The following SEMA3E variants were observed in gnomAD, a reference collection of about 807,000 sequenced individuals.
The protein encoded by SEMA3E is semaphorin 3E.
SEMA3E carries 49 observed loss-of-function variants against 93.6 expected under a neutral mutation model. That is an observed-to-expected ratio of 0.52 (90% CI 0.42 to 0.66). The LOEUF (loss-of-function observed/expected upper bound fraction) is 0.66. Ranked by LOEUF, SEMA3E falls within the 30% of genes least tolerant of loss-of-function variation. The probability of loss-of-function intolerance (pLI) is 0.00; values close to 1 mark genes in which losing one functional copy is unlikely to be tolerated. For missense variants in SEMA3E, 906 were observed against 964.8 expected, an observed-to-expected ratio of 0.94 and a Z score of 0.81; for synonymous variants, 363 against 330.7, an observed-to-expected ratio of 1.10 and a Z score of -1.06.
chr7:83,457,570 T>G (rs1789511699), intron 4 of SEMA3E, among the ~76,000 whole-genome samples: 1 of 152,212 alleles, frequency 6.6e-6, no homozygotes. Context: ...GCTTCTCACT[T>G]GAGTTCAACA....
intron 11 of SEMA3E, among the ~76,000 whole-genome samples, chr7:83,396,945 G>A (rs1426155950): frequency 6.6e-6 from 1 of 151,990 alleles, no homozygotes; most frequent in Admixed American, 6.6e-5. Flanking sequence ...AGCCAGGCAT[G>A]GTGGTGGGCA....
chr7:83,531,618 G>T (rs1791304071), intron 1 of SEMA3E, among the ~76,000 whole-genome samples: 1 of 152,076 alleles, frequency 6.6e-6, no homozygotes, highest in Admixed American at 6.5e-5. Flanking sequence ...CTCCCAAAGT[G>T]CTGGGATTAC....
At chr7:83,625,851 A>G (rs1793659274) in intron 1 of SEMA3E, among the ~76,000 whole-genome samples, 1 of 152,034 alleles carries the variant, frequency 6.6e-6, no homozygotes, top group Admixed American at 6.6e-5. Context: ...TTTGTCATAA[A>G]CAGCTCTTAT....
At chr7:83,378,546 C>T (rs1355445480) in intron 16 of SEMA3E, among the ~76,000 whole-genome samples, 1 of 151,894 alleles carries the variant, frequency 6.6e-6, no homozygotes, top group African/African-American at 2.4e-5. Context: ...GTTTCTGGTT[C>T]AACAGAGCAC....
At chr7:83,585,722 G>A (rs1736540970) in intron 1 of SEMA3E, among the ~76,000 whole-genome samples, 1 of 152,112 alleles carries the variant, frequency 6.6e-6, no homozygotes, top group Non-Finnish European at 1.5e-5. Flanking sequence ...AAGCCCAAGA[G>A]GACTTTAAGG....
chr7:83,581,719 T>A (rs1425933145), intron 1 of SEMA3E, among the ~76,000 whole-genome samples: 2 of 152,134 alleles, frequency 1.3e-5, no homozygotes, highest in East Asian at 3.9e-4. Context: ...TGATCAAAGC[T>A]ATTAGCTAAT....
rs184653761 is a variant in SEMA3E, at chr7:83,598,272, G to A, written c.115+50156C>T. 2.6e-5 allele frequency among the ~76,000 whole-genome samples: 4 copies of A among 152,184 alleles called. No homozygotes were observed. In the South Asian group the frequency reaches 6.2e-4, roughly 24 times the overall value. ...TAAATGCAGTAAGATCTTGGAGCTA[G>A]CATTATTCTAGTATTTCTCTGCAGA... is the stretch of plus-strand genomic sequence containing the variant. On this transcript the variant is annotated intron_variant, in intron 1 of 16. Transcript: ENST00000643230.
At chr7:83,438,740 T>C (rs1232482840) in intron 4 of SEMA3E, among the ~76,000 whole-genome samples, 1 of 151,992 alleles carries the variant, frequency 6.6e-6, no homozygotes, top group Non-Finnish European at 1.5e-5. Flanking sequence ...TAAATAATTA[T>C]ATATAATAAA....
At chr7:83,467,079 T>TTTC (rs1491373824) in intron 3 of SEMA3E, among the ~76,000 whole-genome samples, 3 of 112,936 alleles carry the variant, frequency 2.7e-5, no homozygotes, top group Non-Finnish European at 5.8e-5. Flanking sequence ...TTTTTTTTTT[T>TTTC]CCCAAGACAG....
intron 1 of SEMA3E, among the ~76,000 whole-genome samples, chr7:83,510,736 G>A (rs1790800975): frequency 6.6e-6 from 1 of 152,058 alleles, no homozygotes; most frequent in South Asian, 2.1e-4. Context: ...CACAAAATCT[G>A]GTAGTTGTGT....
At chr7:83,395,709 C>A (rs73169978) in intron 12 of SEMA3E, among the ~76,000 whole-genome samples, 79 of 152,092 alleles carry the variant, frequency 5.2e-4, no homozygotes, top group Non-Finnish European at 8.7e-4. Flanking sequence ...CCAAGCATAG[C>A]GCTGAAGTGC....
At chr7:83,460,638 G>A (rs1355919911) in intron 4 of SEMA3E, among the ~76,000 whole-genome samples, 1 of 147,774 alleles carries the variant, frequency 6.8e-6, no homozygotes, top group African/African-American at 2.5e-5. Context: ...CTTTTCTGGG[G>A]GAGGGGCAAG....
At chr7:83,599,110 A>G (rs1437838846) in intron 1 of SEMA3E, among the ~76,000 whole-genome samples, 2 of 152,278 alleles carry the variant, frequency 1.3e-5, no homozygotes, top group East Asian at 3.9e-4. Flanking sequence ...TAAAAAATAA[A>G]ATTAGATAAA....
chr7:83,557,713 G>T (rs1020548659), intron 1 of SEMA3E, among the ~76,000 whole-genome samples: 1 of 151,940 alleles, frequency 6.6e-6, no homozygotes, highest in African/African-American at 2.4e-5. Context: ...CCTTCCTACC[G>T]ATTCTTTAGA....
intron 1 of SEMA3E, among the ~76,000 whole-genome samples, chr7:83,553,409 A>G (rs1791812379): frequency 6.6e-6 from 1 of 152,144 alleles, no homozygotes; most frequent in Non-Finnish European, 1.5e-5. Flanking sequence ...GTACTCATCC[A>G]CATGCTTACA....
At chr7:83,641,924 G>A (rs896568183) in intron 1 of SEMA3E, among the ~76,000 whole-genome samples, 3 of 152,118 alleles carry the variant, frequency 2.0e-5, no homozygotes, top group African/African-American at 7.2e-5. Flanking sequence ...TGCAAATTAT[G>A]TTTTACCACT....
At chr7:83,511,314 A>G (rs186629578) in intron 1 of SEMA3E, among the ~76,000 whole-genome samples, 23 of 151,188 alleles carry the variant, frequency 1.5e-4, no homozygotes, top group Non-Finnish European at 1.5e-4. Context: ...GAGAAAACAG[A>G]CATTTTAGGA....
Position 83,387,824 on chromosome 7 carries a change from T to TTA in SEMA3E, c.1668-776_1668-775dup, listed in dbSNP as rs553510555. Among the ~76,000 whole-genome samples, 439 of 144,522 alleles carry TTA rather than the reference T, an allele frequency of 3.0e-3. 1 individual carries two copies. The highest frequency in any genetic ancestry group is 9.6e-3 in the African/African-American group (384 of 39,884). 94.8% of individuals were successfully genotyped at this position (144,522 alleles called of 152,430 possible). A position where few individuals can be genotyped will look rare whatever the true frequency, so the allele number is the denominator to read the frequency against. On this transcript the variant is annotated intron_variant, in intron 14 of 16. Coordinates refer to ENST00000643230, the MANE Select transcript of SEMA3E (RefSeq NM_012431.3). ...CGGAAAAATTCCAGAATATATATGT[T>TTA]TATATATATATAACGTTATATATAT...
chr7:83,529,007 T>TA lies in SEMA3E; in HGVS notation c.116-38734dup, dbSNP rs527371966. 9.9e-4 allele frequency among the ~76,000 whole-genome samples: 150 copies of TA among 152,242 alleles called. 1 individual carries two copies. Among genetic ancestry groups the TA allele is most frequent in the African/African-American group, 3.5e-3 (147 of 41,568 alleles). ...AAATCTTCCAGACAAGGTCTGAGCTTAAAAGAGTATTCAAGTTGCCCATTT... is the reference window on the plus strand; with the variant it reads ...AAATCTTCCAGACAAGGTCTGAGCTTAAAAAGAGTATTCAAGTTGCCCATTT... On this transcript the variant is annotated intron_variant, in intron 1 of 16. Transcript: ENST00000643230.
Sources: gnomAD v4.1 joint callset for allele counts (sites outside exome capture counted in the v4.1 genomes callset) on GRCh38, gnomAD v4.1.1 for gene constraint, MANE v1.5 for transcripts, NCBI Gene and HGNC (gene_info 2026-07-23, HGNC 2026-07-21) for gene names.